Variants in SLC9A4 observed in about 807,000 individuals in gnomAD.
SLC9A4 encodes solute carrier family 9 member A4.
In SLC9A4, 63 loss-of-function variants were observed where a neutral mutation model predicts 67.4. That is an observed-to-expected ratio of 0.93 (90% CI 0.76 to 1.15). The LOEUF (loss-of-function observed/expected upper bound fraction) is 1.15, where lower values mean the gene tolerates loss of function less well. SLC9A4 is among the 50% of genes most tolerant of loss of function. The pLI is 0.00. For synonymous variants in SLC9A4, 393 were observed against 367.2 expected (o/e 1.07, Z -0.80); for missense variants, 1,089 against 987.7 (o/e 1.10, Z -1.38).
chr2:102,509,256 GC>G (rs2104437554), intron 6 of SLC9A4, among the ~76,000 whole-genome samples: 1 of 152,248 alleles, frequency 6.6e-6, no homozygotes, highest in South Asian at 2.1e-4. Flanking sequence ...TTGGCCCATG[GC>G]CCCTTCCATC....
At chr2:102,494,759 TA>T (rs1254909264) in intron 2 of SLC9A4, among the ~76,000 whole-genome samples, 1 of 152,026 alleles carries the variant, frequency 6.6e-6, no homozygotes, top group Non-Finnish European at 1.5e-5. Flanking sequence ...ATCATAATGA[TA>T]AAAAAGCTGA....
Position 102,473,619 on chromosome 2 carries a change from G to T in SLC9A4, c.-141G>T. 1 of 1,026,060 alleles carries T rather than the reference G, an allele frequency of 9.7e-7. No homozygotes were observed. Among genetic ancestry groups the T allele is most frequent in the South Asian group, 1.6e-5 (1 of 61,510 alleles). The allele number at this position is 1,026,060 out of a possible 1,614,324, so 63.6% of individuals were successfully genotyped here. A position where few individuals can be genotyped will look rare whatever the true frequency, so the allele number is the denominator to read the frequency against. Reference sequence around the variant, plus strand: ...ACATACAGAGCTCAATAACACACTCGGAATCTTCTTGGGAGGACCCACAGA... The same window carrying T: ...ACATACAGAGCTCAATAACACACTCTGAATCTTCTTGGGAGGACCCACAGA... On this transcript the variant is annotated 5_prime_UTR_variant, in exon 1 of 12. Coordinates refer to ENST00000295269, the MANE Select transcript of SLC9A4 (RefSeq NM_001011552.4).
chr2:102,508,042 T>C (rs56167452), intron 4 of SLC9A4, 37 bp from the exon 5 acceptor site: 393 of 1,598,900 alleles, frequency 2.5e-4, no homozygotes, highest in Non-Finnish European at 3.3e-4. Context: ...TGCTCGTTCA[T>C]GATCCTCTGC....
chr2:102,476,861 A>G (rs1465312389), intron 1 of SLC9A4, among the ~76,000 whole-genome samples: 2 of 152,180 alleles, frequency 1.3e-5, no homozygotes, highest in Admixed American at 1.3e-4. Context: ...GAGGAGGAAG[A>G]GGAAATGCAG....
intron 10 of SLC9A4, 80 bp from the exon 11 acceptor site, chr2:102,526,179 T>A (rs982842362): frequency 2.8e-6 from 4 of 1,437,378 alleles, no homozygotes; most frequent in Non-Finnish European, 3.9e-6. Flanking sequence ...TGAGCCACAG[T>A]GTCTGGCCCT....
chr2:102,527,743 T>A (rs1674696492), intron 11 of SLC9A4, among the ~76,000 whole-genome samples: 1 of 152,232 alleles, frequency 6.6e-6, no homozygotes, highest in South Asian at 2.1e-4. Context: ...TGGGATGTTG[T>A]CAAACTTTTG....
At chr2:102,491,567 G>A (rs761983550) in intron 2 of SLC9A4, among the ~76,000 whole-genome samples, 2 of 151,866 alleles carry the variant, frequency 1.3e-5, no homozygotes, top group Non-Finnish European at 2.9e-5. Flanking sequence ...TCATTATCAC[G>A]AGAACAGCAT....
At chr2:102,508,445 C>T (rs1166222165) in intron 5 of SLC9A4, among the ~76,000 whole-genome samples, 164 bp downstream of exon 5, 1 of 152,164 alleles carries the variant, frequency 6.6e-6, no homozygotes, top group East Asian at 1.9e-4. Flanking sequence ...CATCCTTTAA[C>T]TTCTAAAATG....
chr2:102,519,887 C>A lies in SLC9A4; in HGVS notation c.1750C>A (p.Leu584Ile), dbSNP rs756262503. The A allele has an allele frequency of 6.2e-6, 10 of 1,613,822 alleles. No homozygotes were observed. In the South Asian group the frequency reaches 9.9e-5, roughly 16 times the overall value. ...CCAGAGGATACAAGGAATCAAAAGA[C>A]TTTCCCCTGAAGATGTGGAGTCCAT... ...QAQRIQGIKR[L>I]SPEDVESIRD... The change falls in exon 9 of 12, where the codon CTT (leucine) becomes ATT (isoleucine). Residue 584 changes from leucine (L) to isoleucine (I), a missense_variant. Leu to Ile is a conservative substitution (Grantham distance 5, BLOSUM62 2). Transcript: ENST00000295269.
intron 2 of SLC9A4, among the ~76,000 whole-genome samples, chr2:102,488,003 C>T (rs1684622799): frequency 6.6e-6 from 1 of 152,158 alleles, no homozygotes; most frequent in Non-Finnish European, 1.5e-5. Context: ...GTAGATTATT[C>T]CTTTTAACCA....
In SLC9A4 at chr2:102,512,229, C is replaced by A. The variant is rs183969730; in HGVS notation, c.1515C>A (p.Ile505=). Residue 505 remains isoleucine, a synonymous_variant, in exon 7 of 12, where the codon ATC becomes ATA. Coordinates refer to ENST00000295269, the MANE Select transcript of SLC9A4 (RefSeq NM_001011552.4). ...TGATGGATCACTTAAAGGCTGGAAT[C>A]GAAGATGTGTGTGGGCACTGGAGTC... The part of the protein sequence containing the change: ...IRLMDHLKAG[I]EDVCGHWSHY... 1.9e-6 allele frequency: 3 copies of A among 1,613,954 alleles called. No individual in the cohort carries two copies. The highest frequency in any genetic ancestry group is 1.7e-5 in the Admixed American group (1 of 60,000).
intron 6 of SLC9A4, among the ~76,000 whole-genome samples, chr2:102,509,699 A>C (rs1229467871): frequency 6.6e-6 from 1 of 152,196 alleles, no homozygotes; most frequent in Non-Finnish European, 1.5e-5. Context: ...AGCAGGGCTC[A>C]GTGAGGCTCT....
At chr2:102,506,856 G>A (rs1685061307) in intron 4 of SLC9A4, among the ~76,000 whole-genome samples, 4 of 152,108 alleles carry the variant, frequency 2.6e-5, no homozygotes, top group Admixed American at 2.6e-4. Context: ...TCTTACAGTT[G>A]AGGAAACTGA....
chr2:102,492,068 G>T (rs1396701733), intron 2 of SLC9A4, among the ~76,000 whole-genome samples: 1 of 152,244 alleles, frequency 6.6e-6, no homozygotes, highest in Non-Finnish European at 1.5e-5. Flanking sequence ...GCTAATGCAA[G>T]TAGGTTCCCA....
At chr2:102,508,978 C>T (rs752452317) in intron 6 of SLC9A4, 45 bp downstream of exon 6, 1 of 1,523,732 alleles carries the variant, frequency 6.6e-7, no homozygotes, top group South Asian at 1.2e-5. Context: ...CAAGACATTT[C>T]CCCTTTGTCA....
chr2:102,499,189 G>A lies in SLC9A4; in HGVS notation c.721-4259G>A, dbSNP rs748731958. 4.6e-4 allele frequency among the ~76,000 whole-genome samples: 70 copies of A among 152,346 alleles called. 1 individual carries two copies. The highest frequency in any genetic ancestry group is 1.4e-3 in the South Asian group (7 of 4,830). The stretch of plus-strand genomic sequence containing the variant: ...CCTGCCAAGCTCAGGCCTTAGCTGA[G>A]AATGGCAGATGGGCATCCCTGCAGT... On this transcript the variant is annotated intron_variant, in intron 2 of 11. Coordinates refer to ENST00000295269, the MANE Select transcript of SLC9A4 (RefSeq NM_001011552.4).
Position 102,532,341 on chromosome 2 carries a change from A to G in SLC9A4, c.2050A>G (p.Ser684Gly), listed in dbSNP as rs1436745609. ...TGATGTTTTCCTAGATGATGACAGC[A>G]GTGATCCAGGATCCCCATCCATCAC... ...RAAGFSDDDS[S>G]DPGSPSITFS... The change falls in exon 12 of 12, where the codon AGT becomes GGT. Residue 684 changes from serine (S) to glycine (G), a missense_variant. Ser to Gly is a moderately conservative substitution (Grantham distance 56, BLOSUM62 0). Transcript: ENST00000295269. The G allele has an allele frequency of 6.2e-7, 1 of 1,612,848 alleles. No individual in the cohort carries two copies. Among genetic ancestry groups the G allele is most frequent in the Non-Finnish European group, 8.5e-7 (1 of 1,179,170 alleles).
chr2:102,526,125 T>A (rs1034410580), intron 10 of SLC9A4, 134 bp from the exon 11 acceptor site: 3 of 792,280 alleles, frequency 3.8e-6, no homozygotes, highest in African/African-American at 1.7e-5. Flanking sequence ...TGACCTCAGG[T>A]GATCCGCCCT....
chr2:102,523,923 C>T (rs1291915973), intron 9 of SLC9A4, among the ~76,000 whole-genome samples: 2 of 152,236 alleles, frequency 1.3e-5, no homozygotes, highest in African/African-American at 2.4e-5. Context: ...TCTCAGTACA[C>T]TGAACCTTTC....
Sources: gnomAD v4.1 joint callset for allele counts (sites outside exome capture counted in the v4.1 genomes callset) on GRCh38, gnomAD v4.1.1 for gene constraint, MANE v1.5 for transcripts, NCBI Gene and HGNC (gene_info 2026-07-23, HGNC 2026-07-21) for gene names.